Variants in HERC2 observed in about 807,000 individuals in gnomAD.
HERC2 encodes the protein HECT and RLD domain containing E3 ubiquitin protein ligase 2.
HERC2 carries 102 observed loss-of-function variants against 537.7 expected under a neutral mutation model. That is an observed-to-expected ratio of 0.19 (90% CI 0.16 to 0.22). The LOEUF (loss-of-function observed/expected upper bound fraction) is 0.22. Ranked by LOEUF, HERC2 falls within the 10% of genes least tolerant of loss-of-function variation. The pLI is 1.00. For synonymous variants in HERC2, 2,224 were observed against 2,466.2 expected, an observed-to-expected ratio of 0.90 and a Z score of 2.91; for missense variants, 4,236 against 6,198.2, an observed-to-expected ratio of 0.68 and a Z score of 10.63.
At chr15:28,146,719 G>C (rs1271859479) in intron 70 of HERC2, among the ~76,000 whole-genome samples, 3 of 150,346 alleles carry the variant, frequency 2.0e-5, no homozygotes, top group Non-Finnish European at 2.9e-5. Flanking sequence ...CCTGGGGAGT[G>C]AGCGGCATTG....
intron 2 of HERC2, among the ~76,000 whole-genome samples, chr15:28,307,866 T>A (rs1477741393): frequency 6.6e-6 from 1 of 152,130 alleles, no homozygotes; most frequent in African/African-American, 2.4e-5. Context: ...TCACCGTAGA[T>A]GTGCGGATTT....
chr15:28,182,451 C>T lies in HERC2; in HGVS notation c.8887G>A (p.Val2963Met), dbSNP rs772742501. ...SAATIRTKVF[V>M]WGLNDKDQLG... ...TGGTCCTTGTCATTCAGGCCCCACACAAACACCTTGGTTCTTATCGTAGCT... is the reference window on the plus strand; with the variant it reads ...TGGTCCTTGTCATTCAGGCCCCACATAAACACCTTGGTTCTTATCGTAGCT... Residue 2963 changes from valine (V) to methionine (M), a missense_variant, in exon 57 of 93, where the codon GTG becomes ATG. Physicochemically the swap from Val to Met is conservative, Grantham distance 21. Transcript: ENST00000261609. 1 of 1,613,872 alleles carries T rather than the reference C, an allele frequency of 6.2e-7. No individual in the cohort carries two copies. Among genetic ancestry groups the T allele is most frequent in the African/African-American group, 1.3e-5 (1 of 74,962 alleles).
chr15:28,228,179 G>C, intron 35 of HERC2, 39 bp downstream of exon 35: 1 of 1,521,610 alleles, frequency 6.6e-7, no homozygotes, highest in Non-Finnish European at 9.0e-7. Context: ...GCAAAATCTT[G>C]ACATTTTCCC....
intron 50 of HERC2, 134 bp downstream of exon 50, chr15:28,198,244 G>C (rs1897537810): frequency 9.7e-7 from 1 of 1,029,320 alleles, no homozygotes; most frequent in Non-Finnish European, 1.4e-6. Flanking sequence ...AGAAGGCACT[G>C]ACAAGCAAAG....
Position 28,115,850 on chromosome 15 carries a change from A to G in HERC2, c.13610-309T>C, listed in dbSNP as rs149792686. Among the ~76,000 whole-genome samples the G allele has an allele frequency of 4.6e-3, 695 of 152,354 alleles. 1 individual carries two copies. Among genetic ancestry groups the G allele is most frequent in the African/African-American group, 0.016 (664 of 41,590 alleles). On this transcript the variant is annotated intron_variant, in intron 88 of 92. Transcript: ENST00000261609. ...GAACTTCCCCACGGGAGTGTCCTCCAGGGAGCTACAGCCCTGCCCAGGAGG... is the reference window on the plus strand; with the variant it reads ...GAACTTCCCCACGGGAGTGTCCTCCGGGGAGCTACAGCCCTGCCCAGGAGG...
chr15:28,275,177 T>C (rs992858698), intron 5 of HERC2, among the ~76,000 whole-genome samples, 172 bp from the exon 6 acceptor site: 17 of 152,248 alleles, frequency 1.1e-4, no homozygotes, highest in African/African-American at 4.1e-4. Context: ...TCATCAAATG[T>C]CTTTTGTAAA....
intron 87 of HERC2, 48 bp from the exon 88 acceptor site, chr15:28,116,907 TAA>T (rs1226883372): frequency 6.2e-7 from 1 of 1,608,468 alleles, no homozygotes; most frequent in Non-Finnish European, 8.5e-7. Flanking sequence ...CAGTCCTGTG[TAA>T]AGAGAGCCCC....
At chr15:28,304,486 G>A (rs2076725153) in intron 2 of HERC2, among the ~76,000 whole-genome samples, 1 of 151,186 alleles carries the variant, frequency 6.6e-6, no homozygotes, top group South Asian at 2.1e-4. Context: ...CCCTGCCTCA[G>A]CCTCCCGAGT....
At position 28,179,145 on chromosome 15, in the gene HERC2, C is replaced by A; in HGVS notation, c.9016G>T (p.Ala3006Ser). Residue 3006 changes from alanine to serine, a missense_variant, in exon 58 of 93, where the codon GCA (alanine) becomes TCA (serine). Physicochemically the swap from Ala to Ser is moderately conservative, Grantham distance 99. This residue lies in a region of HERC2 where 606 missense variants were observed against 884.5 expected (regional missense o/e 0.69). Coordinates refer to ENST00000261609, the MANE Select transcript of HERC2 (RefSeq NM_004667.6). The part of the protein sequence containing the change: ...QVAGGSKSLF[A>S]VTVEGKVYAC... ...TTTAAGATTAGAATAATCATACCTG[C>A]AAACAAACTTTTAGATCCACCAGCC... The A allele has an allele frequency of 1.9e-6, 3 of 1,611,442 alleles. No homozygotes were observed. The highest frequency in any genetic ancestry group is 1.7e-6 in the Non-Finnish European group (2 of 1,179,010).
Position 28,179,739 on chromosome 15 carries a change from T to C in HERC2, c.8938-516A>G, listed in dbSNP as rs371129792. On this transcript the variant is annotated intron_variant, in intron 57 of 92. Coordinates refer to ENST00000261609, the MANE Select transcript of HERC2 (RefSeq NM_004667.6). ...TTGTGGGGGTGAAAGAGAGCAACAC[T>C]ATGATCCTAGCTAGGCTAATGTATG... Among the ~76,000 whole-genome samples, 109 of 152,354 alleles carry C rather than the reference T, an allele frequency of 7.2e-4. 1 individual carries two copies. The highest frequency in any genetic ancestry group is 2.4e-3 in the African/African-American group (101 of 41,586).
At chr15:28,124,966 C>T (rs2142109688) in intron 84 of HERC2, 40 bp downstream of exon 84, 5 of 1,561,204 alleles carry the variant, frequency 3.2e-6, no homozygotes, top group South Asian at 1.1e-5. Context: ...CAGGAGCACA[C>T]TTTGCTTGCC....
At chr15:28,114,580 T>C in intron 90 of HERC2, 32 bp downstream of exon 90, 3 of 1,597,848 alleles carry the variant, frequency 1.9e-6, no homozygotes, top group East Asian at 4.5e-5. Context: ...TTGCTATTTA[T>C]GTCAATGCAA....
chr15:28,314,989 G>C (rs1178534857), intron 2 of HERC2, among the ~76,000 whole-genome samples: 8 of 152,180 alleles, frequency 5.3e-5, no homozygotes, highest in African/African-American at 7.2e-5. Flanking sequence ...TGTTATAAAA[G>C]AGCACGTACG....
chr15:28,317,370 T>C (rs1171357637), intron 2 of HERC2, among the ~76,000 whole-genome samples: 1 of 152,174 alleles, frequency 6.6e-6, no homozygotes, highest in Non-Finnish European at 1.5e-5. Context: ...ATTACAGGCG[T>C]GAGCCACCGC....
At chr15:28,204,127 C>T (rs973500114) in intron 45 of HERC2, among the ~76,000 whole-genome samples, 2 of 152,030 alleles carry the variant, frequency 1.3e-5, no homozygotes, top group Non-Finnish European at 2.9e-5. Flanking sequence ...CGGCAGAACC[C>T]AGAGCCAATA....
At chr15:28,309,554 T>C (rs1054513324) in intron 2 of HERC2, among the ~76,000 whole-genome samples, 2 of 152,284 alleles carry the variant, frequency 1.3e-5, no homozygotes, top group African/African-American at 4.8e-5. Context: ...TGGTCTTCAA[T>C]TTGAAGAAGC....
At chr15:28,169,193 T>C (rs1341414807) in intron 66 of HERC2, among the ~76,000 whole-genome samples, 1 of 152,228 alleles carries the variant, frequency 6.6e-6, no homozygotes, top group Non-Finnish European at 1.5e-5. Context: ...TATAAATTAG[T>C]ATCACCTAAT....
chr15:28,318,755 C>G (rs577313146), intron 2 of HERC2, among the ~76,000 whole-genome samples: 2 of 152,130 alleles, frequency 1.3e-5, no homozygotes, highest in South Asian at 2.1e-4. Context: ...CAAATAATGT[C>G]TATGATAAAG....
rs1411529770 is a variant in HERC2, at chr15:28,228,527, T to C, written c.5273-118A>G. 4 of 916,832 alleles carry C rather than the reference T, an allele frequency of 4.4e-6. No homozygotes were observed. The East Asian group carries it at 1.0e-4, about 24-fold the overall frequency. The allele number at this position is 916,832 out of a possible 1,614,324, so 56.8% of individuals were successfully genotyped here. A position where few individuals can be genotyped will look rare whatever the true frequency, so the allele number is the denominator to read the frequency against. On this transcript the variant is annotated intron_variant, in intron 34 of 92. Transcript: ENST00000261609. ...CTATTTTGAAACCCACTGACATTTC[T>C]TCTGCATGGATGCAAGAATAAACGT...
Sources: gnomAD v4.1 joint callset for allele counts (sites outside exome capture counted in the v4.1 genomes callset) on GRCh38, gnomAD v4.1.1 for gene constraint, gnomAD v4.1.1 regional missense constraint, MANE v1.5 for transcripts, NCBI Gene and HGNC (gene_info 2026-07-23, HGNC 2026-07-21) for gene names.